PLA2G12B: variants seen among roughly 807,000 people sequenced by gnomAD.
PLA2G12B encodes phospholipase A2 group XIIB.
Under a neutral mutation model 22.3 loss-of-function variants are expected in PLA2G12B, and 19 were observed. That is an observed-to-expected ratio of 0.85 (90% CI 0.60 to 1.25). The LOEUF is 1.25. PLA2G12B is among the 50% of genes most tolerant of loss of function. The pLI, the probability that PLA2G12B is intolerant of heterozygous loss-of-function variation, is 0.00. For synonymous variants in PLA2G12B, 81 were observed against 94.9 expected (o/e 0.85, Z 0.85); for missense variants, 191 against 246.6 (o/e 0.77, Z 1.51).
intron 1 of PLA2G12B, among the ~76,000 whole-genome samples, chr10:72,949,170 C>T (rs1846487817): frequency 6.6e-6 from 1 of 152,186 alleles, no homozygotes; most frequent in South Asian, 2.1e-4. Flanking sequence ...ATATCCTGCA[C>T]ATGTACCCCA....
At chr10:72,953,635 C>G (rs1326729426) in intron 1 of PLA2G12B, among the ~76,000 whole-genome samples, 1 of 152,176 alleles carries the variant, frequency 6.6e-6, no homozygotes, top group Non-Finnish European at 1.5e-5. Context: ...AGCTTCAAGG[C>G]CTGGGGCTCC....
intron 1 of PLA2G12B, among the ~76,000 whole-genome samples, chr10:72,944,927 T>C (rs1299229919): frequency 6.6e-6 from 1 of 152,222 alleles, no homozygotes; most frequent in Non-Finnish European, 1.5e-5. Context: ...CAGAATGTTA[T>C]ACACGTCACT....
At chr10:72,941,385 G>A (rs1846358644) in intron 2 of PLA2G12B, 51 bp from the exon 3 acceptor site, 2 of 1,564,342 alleles carry the variant, frequency 1.3e-6, no homozygotes, top group Non-Finnish European at 1.8e-6. Flanking sequence ...GCCACGTTTA[G>A]ACTAAGGACC....
At chr10:72,941,853 G>GA (rs1318640047) in intron 2 of PLA2G12B, among the ~76,000 whole-genome samples, 3 of 148,294 alleles carry the variant, frequency 2.0e-5, no homozygotes, top group Non-Finnish European at 4.5e-5. Context: ...TTGGAAAGTA[G>GA]AGTGGGTATA....
intron 1 of PLA2G12B, among the ~76,000 whole-genome samples, chr10:72,949,490 T>A (rs1334609735): frequency 6.6e-6 from 1 of 152,228 alleles, no homozygotes; most frequent in African/African-American, 2.4e-5. Context: ...GTAAGAACCT[T>A]TTTGTAGTAT....
chr10:72,952,001 G>A (rs751827526), intron 1 of PLA2G12B, among the ~76,000 whole-genome samples: 15 of 152,136 alleles, frequency 9.9e-5, no homozygotes, highest in South Asian at 2.1e-4. Flanking sequence ...TAAGAATGAC[G>A]TCATAGAATG....
chr10:72,949,774 C>T (rs571159181), intron 1 of PLA2G12B, among the ~76,000 whole-genome samples: 1 of 152,178 alleles, frequency 6.6e-6, no homozygotes, highest in Non-Finnish European at 1.5e-5. Flanking sequence ...GTCATGAGTT[C>T]GAGACCAGCC....
chr10:72,945,834 G>A (rs1846432159), intron 1 of PLA2G12B, among the ~76,000 whole-genome samples: 1 of 152,094 alleles, frequency 6.6e-6, no homozygotes, highest in African/African-American at 2.4e-5. Context: ...TTTTAGTAGA[G>A]ATGGGGTTTC....
intron 2 of PLA2G12B, 23 bp from the exon 3 acceptor site, chr10:72,941,357 A>G: frequency 2.5e-6 from 4 of 1,607,452 alleles, no homozygotes; most frequent in Non-Finnish European, 3.4e-6. Context: ...GAAGGAAGGG[A>G]AAAGAAGGGG....
intron 1 of PLA2G12B, among the ~76,000 whole-genome samples, chr10:72,947,347 C>A (rs549621796): frequency 1.1e-4 from 17 of 152,166 alleles, no homozygotes; most frequent in Non-Finnish European, 1.9e-4. Context: ...CCAAGCAAGC[C>A]TCCCACCTCA....
At chr10:72,951,607 G>A (rs532994465) in intron 1 of PLA2G12B, among the ~76,000 whole-genome samples, 4 of 151,972 alleles carry the variant, frequency 2.6e-5, no homozygotes, top group African/African-American at 9.6e-5. Context: ...ACTGGCACCC[G>A]CCACTACACC....
intron 3 of PLA2G12B, among the ~76,000 whole-genome samples, chr10:72,939,916 A>G (rs1287075392): frequency 2.6e-5 from 4 of 152,242 alleles, no homozygotes; most frequent in Non-Finnish European, 4.4e-5. Context: ...TCTGGTCCCA[A>G]TGGTGACTAT....
In PLA2G12B at chr10:72,954,651, A is replaced by G; in HGVS notation, c.35T>C (p.Leu12Pro). The G allele has an allele frequency of 6.2e-7, 1 of 1,614,080 alleles. No individual in the cohort carries two copies. The highest frequency in any genetic ancestry group is 8.5e-7 in the Non-Finnish European group (1 of 1,180,008). Reference sequence around the variant, plus strand: ...CTGAGCCAGGCCACCCCCAAGGCTGAGCCACAAAACCAAGAAGCCACTGGC... The same window carrying G: ...CTGAGCCAGGCCACCCCCAAGGCTGGGCCACAAAACCAAGAAGCCACTGGC... ...KLASGFLVLWLSLGGGLAQSD... is the reference protein window; with the variant it reads ...KLASGFLVLWPSLGGGLAQSD... Residue 12 changes from leucine (L) to proline (P), a missense_variant, in exon 1 of 4, where the codon CTC becomes CCC. Coordinates refer to ENST00000373032, the MANE Select transcript of PLA2G12B (RefSeq NM_032562.5).
In PLA2G12B at chr10:72,942,642, C is replaced by T. The variant is rs1274715237; in HGVS notation, c.300+10G>A. The stretch of plus-strand genomic sequence containing the variant: ...CAACCAACCAAGAAGGTAATGCTGG[C>T]AGTACATACACTTTCTGGTACCTTG... On this transcript the variant is annotated intron_variant, in intron 2 of 3. Coordinates refer to ENST00000373032, the MANE Select transcript of PLA2G12B (RefSeq NM_032562.5). 4.4e-6 allele frequency: 7 copies of T among 1,586,770 alleles called. No individual in the cohort carries two copies. The highest frequency in any genetic ancestry group is 3.9e-4 in the Middle Eastern group (2 of 5,064).
chr10:72,950,590 C>T (rs1263280598), intron 1 of PLA2G12B, among the ~76,000 whole-genome samples: 7 of 152,174 alleles, frequency 4.6e-5, no homozygotes, highest in Admixed American at 4.6e-4. Context: ...AAGTGATTCT[C>T]CTGCCTCAGC....
chr10:72,953,839 G>A (rs1846571753), intron 1 of PLA2G12B, among the ~76,000 whole-genome samples: 1 of 152,180 alleles, frequency 6.6e-6, no homozygotes, highest in African/African-American at 2.4e-5. Context: ...GGTGAGCCAC[G>A]AACCCTTCCT....
intron 2 of PLA2G12B, among the ~76,000 whole-genome samples, chr10:72,941,743 T>TA (rs982092684): frequency 4.6e-5 from 7 of 151,316 alleles, no homozygotes; most frequent in South Asian, 2.1e-4. Context: ...CTAAGAAGTA[T>TA]AAAAAAAAAT....
chr10:72,941,023 A>C, intron 3 of PLA2G12B, 146 bp downstream of exon 3: 1 of 904,562 alleles, frequency 1.1e-6, no homozygotes, highest in Non-Finnish European at 1.6e-6. Context: ...TCTTTCCTTC[A>C]CCATTTCTTG....
At chr10:72,939,365 C>A (rs554828873) in intron 3 of PLA2G12B, among the ~76,000 whole-genome samples, 1 of 152,024 alleles carries the variant, frequency 6.6e-6, no homozygotes, top group Non-Finnish European at 1.5e-5. Flanking sequence ...GTAGAATCTA[C>A]GAAGGGACAT....
Sources: gnomAD v4.1 joint callset for allele counts (sites outside exome capture counted in the v4.1 genomes callset) on GRCh38, gnomAD v4.1.1 for gene constraint, MANE v1.5 for transcripts, NCBI Gene and HGNC (gene_info 2026-07-23, HGNC 2026-07-21) for gene names.